Variants in GAREM1 observed in about 807,000 individuals in gnomAD.
The protein encoded by GAREM1 is GRB2-associated and regulator of MAPK protein 1.
In GAREM1, 26 loss-of-function variants were observed where a neutral mutation model predicts 71.3. The observed-to-expected ratio is 0.36, with a 90% CI of 0.27 to 0.51. The LOEUF is 0.51. GAREM1 is among the 20% of genes least tolerant of loss of function. The probability of loss-of-function intolerance (pLI) is 0.95; values close to 1 mark genes in which losing one functional copy is unlikely to be tolerated. For missense variants in GAREM1, 1,026 were observed against 1,103.1 expected, an observed-to-expected ratio of 0.93 and a Z score of 0.99; for synonymous variants, 440 against 433.2, an observed-to-expected ratio of 1.02 and a Z score of -0.20.
intron 4 of GAREM1, among the ~76,000 whole-genome samples, chr18:32,273,735 A>G (rs866889740): frequency 2.6e-5 from 4 of 150,964 alleles, no homozygotes; most frequent in East Asian, 1.9e-4. Flanking sequence ...GAGAGAAAGA[A>G]AGAGAGAGAG....
chr18:32,323,632 C>A (rs145502048), intron 2 of GAREM1, among the ~76,000 whole-genome samples: 3 of 152,204 alleles, frequency 2.0e-5, no homozygotes, highest in African/African-American at 7.2e-5. Flanking sequence ...TCCCTTGAGC[C>A]CAAGAGGCAG....
chr18:32,422,774 T>G (rs2144242815), intron 1 of GAREM1, among the ~76,000 whole-genome samples: 1 of 152,316 alleles, frequency 6.6e-6, no homozygotes, highest in African/African-American at 2.4e-5. Context: ...GGTTGGAGTT[T>G]TTTAAAGCAA....
chr18:32,386,368 A>T (rs943558207), intron 2 of GAREM1, among the ~76,000 whole-genome samples: 14 of 152,220 alleles, frequency 9.2e-5, no homozygotes, highest in Non-Finnish European at 2.9e-5. Flanking sequence ...AAAAACAGGC[A>T]CTGCTGATAT....
At chr18:32,367,809 G>A (rs2047940801) in intron 2 of GAREM1, among the ~76,000 whole-genome samples, 1 of 152,082 alleles carries the variant, frequency 6.6e-6, no homozygotes, top group South Asian at 2.1e-4. Context: ...TTCACAGGAG[G>A]GATGGCTGTC....
At chr18:32,370,568 G>C (rs1421710213) in intron 2 of GAREM1, among the ~76,000 whole-genome samples, 1 of 151,858 alleles carries the variant, frequency 6.6e-6, no homozygotes, top group Non-Finnish European at 1.5e-5. Flanking sequence ...CATGCTCCTT[G>C]TGTATTTGAA....
chr18:32,298,403 C>CTT (rs896221504), intron 3 of GAREM1, among the ~76,000 whole-genome samples: 1 of 147,960 alleles, frequency 6.8e-6, no homozygotes, highest in Non-Finnish European at 1.5e-5. Flanking sequence ...AATTTTTTTC[C>CTT]TTTTTTTTTT....
chr18:32,295,584 G>C lies in GAREM1; in HGVS notation c.394-7381C>G, dbSNP rs73421922. On this transcript the variant is annotated intron_variant, in intron 3 of 5. Transcript: ENST00000269209. ...CAATATGTGTTTAGAAAACTAGGAA[G>C]AGCAACCTTTGTAAATAATTTCTTA... Among the ~76,000 whole-genome samples, 175 of 152,276 alleles carry C rather than the reference G, an allele frequency of 1.1e-3. 2 individuals carry two copies. Among genetic ancestry groups the C allele is most frequent in the African/African-American group, 3.9e-3 (163 of 41,566 alleles).
At chr18:32,309,974 T>C (rs1172570487) in intron 3 of GAREM1, among the ~76,000 whole-genome samples, 2 of 152,196 alleles carry the variant, frequency 1.3e-5, no homozygotes, top group African/African-American at 4.8e-5. Flanking sequence ...TGAACTCAGA[T>C]ATCAGTTTTA....
intron 2 of GAREM1, among the ~76,000 whole-genome samples, chr18:32,369,938 T>C (rs1165543795): frequency 1.3e-5 from 2 of 152,196 alleles, no homozygotes; most frequent in African/African-American, 4.8e-5. Context: ...ACTGTGAGGT[T>C]TGGGGGATGA....
At chr18:32,284,476 T>G (rs1031678442) in intron 4 of GAREM1, among the ~76,000 whole-genome samples, 3 of 152,154 alleles carry the variant, frequency 2.0e-5, no homozygotes, top group Admixed American at 6.5e-5. Context: ...CATCTTTCAT[T>G]AGCCACAGAA....
At chr18:32,359,085 T>C (rs2047835265) in intron 2 of GAREM1, among the ~76,000 whole-genome samples, 1 of 152,174 alleles carries the variant, frequency 6.6e-6, no homozygotes, top group African/African-American at 2.4e-5. Flanking sequence ...AAACTGTATG[T>C]GGTAGGTTTT....
intron 2 of GAREM1, among the ~76,000 whole-genome samples, chr18:32,315,798 A>C (rs1407831043): frequency 6.6e-6 from 1 of 152,184 alleles, no homozygotes; most frequent in Admixed American, 6.5e-5. Flanking sequence ...CCTGAAAAAG[A>C]AGAATGTTTC....
At chr18:32,427,584 T>C (rs1434324857) in intron 1 of GAREM1, among the ~76,000 whole-genome samples, 1 of 152,208 alleles carries the variant, frequency 6.6e-6, no homozygotes, top group Non-Finnish European at 1.5e-5. Context: ...AACATGCTTA[T>C]CACCCACAAA....
intron 1 of GAREM1, among the ~76,000 whole-genome samples, chr18:32,396,337 T>C (rs1475351182): frequency 6.6e-6 from 1 of 152,044 alleles, no homozygotes; most frequent in Non-Finnish European, 1.5e-5. Context: ...AGAAGAAGGC[T>C]TCAGATAATC....
In GAREM1 at chr18:32,273,580, G is replaced by A. The variant is rs114949893; in HGVS notation, c.1567-3197C>T. Among the ~76,000 whole-genome samples the A allele has an allele frequency of 4.8e-3, 725 of 152,290 alleles. 7 individuals carry two copies. Among genetic ancestry groups the A allele is most frequent in the African/African-American group, 0.017 (699 of 41,556 alleles). On this transcript the variant is annotated intron_variant, in intron 4 of 5. Transcript: ENST00000269209. ...TGAAGAGAAGCATTTCTAAGCTAAA[G>A]GGCCTGGTGAGGAGGTAGCCAGGGC...
At chr18:32,323,258 C>T (rs1395426433) in intron 2 of GAREM1, among the ~76,000 whole-genome samples, 4 of 152,188 alleles carry the variant, frequency 2.6e-5, no homozygotes, top group African/African-American at 9.7e-5. Flanking sequence ...TACAACATCA[C>T]TGATCTAGCT....
chr18:32,320,975 C>T (rs151206133), intron 2 of GAREM1, among the ~76,000 whole-genome samples: 56 of 152,264 alleles, frequency 3.7e-4, no homozygotes, highest in Admixed American at 1.3e-3. Context: ...ATCTCTTAGT[C>T]CAGAGCACTC....
At chr18:32,303,393 A>T (rs1231799502) in intron 3 of GAREM1, among the ~76,000 whole-genome samples, 1 of 152,198 alleles carries the variant, frequency 6.6e-6, no homozygotes, top group East Asian at 1.9e-4. Flanking sequence ...ATTAAAACTT[A>T]ATTTGTTAGT....
At chr18:32,399,428 G>A (rs1394251358) in intron 1 of GAREM1, among the ~76,000 whole-genome samples, 4 of 152,210 alleles carry the variant, frequency 2.6e-5, no homozygotes, top group Admixed American at 6.5e-5. Context: ...AAACCCCATC[G>A]TCTCAGCCCA....
Sources: allele counts gnomAD v4.1 joint callset (sites outside exome capture counted in the v4.1 genomes callset), GRCh38; gene constraint gnomAD v4.1.1; transcripts MANE v1.5; gene names NCBI Gene and HGNC (gene_info 2026-07-23, HGNC 2026-07-21).